The following MYH15 variants were observed in gnomAD, a reference collection of about 807,000 sequenced individuals.
MYH15 encodes myosin-15.
Under a neutral mutation model 240.5 loss-of-function variants are expected in MYH15, and 227 were observed. The observed-to-expected ratio is 0.94, with a 90% CI of 0.85 to 1.05. The LOEUF (loss-of-function observed/expected upper bound fraction) is 1.05, where lower values mean the gene tolerates loss of function less well. Among genes scored for constraint, MYH15 ranks in the 50% least tolerant of loss-of-function variants. The pLI is 0.00. For missense variants in MYH15, 2,217 were observed against 2,247.5 expected, an observed-to-expected ratio of 0.99 and a Z score of 0.27; for synonymous variants, 785 against 796.7, an observed-to-expected ratio of 0.99 and a Z score of 0.25.
At position 108,384,891 on chromosome 3, in the gene MYH15, C is replaced by G. The variant is rs967212268; in HGVS notation, c.5536-109G>C. On this transcript the variant is annotated intron_variant, in intron 38 of 40. Transcript: ENST00000693548. The stretch of plus-strand genomic sequence containing the variant: ...ATCAGGGAACTTTATTAAACATCAT[C>G]TCAGAGTTGTGATTTTAACAATGGG... The G allele has an allele frequency of 1.6e-5, 15 of 917,060 alleles. 1 individual carries two copies. Among genetic ancestry groups the G allele is most frequent in the Non-Finnish European group, 2.3e-5 (14 of 604,800 alleles). 56.8% of individuals were successfully genotyped at this position (917,060 alleles called of 1,614,324 possible).
chr3:108,506,199 A>G (rs1251652073), intron 1 of MYH15, among the ~76,000 whole-genome samples: 3 of 152,136 alleles, frequency 2.0e-5, no homozygotes, highest in Non-Finnish European at 4.4e-5. Flanking sequence ...GAGAAAACTC[A>G]TTCAGAAAAA....
At chr3:108,508,887 A>G (rs572273570) in intron 1 of MYH15, among the ~76,000 whole-genome samples, 1 of 152,328 alleles carries the variant, frequency 6.6e-6, no homozygotes, top group East Asian at 1.9e-4. Context: ...CTCGGGTATC[A>G]TAATAATGCA....
In MYH15 at chr3:108,460,372, CAAA is replaced by C. The variant is rs11303627; in HGVS notation, c.1865-8_1865-6del. On this transcript the variant is annotated splice_polypyrimidine_tract_variant and splice_region_variant and intron_variant, in intron 16 of 40. Coordinates refer to ENST00000693548, the MANE Select transcript of MYH15 (RefSeq NM_014981.3). ...TCTTCTCCCCAAATGGTATAGCTAG[CAAA>C]AAAAAAAAAAGAAAAAGATGAAAAC... 5.3e-4 allele frequency: 698 copies of C among 1,326,130 alleles called. No individual in the cohort carries two copies. The highest frequency in any genetic ancestry group is 1.8e-3 in the South Asian group (116 of 64,848). 82.1% of individuals were successfully genotyped at this position (1,326,130 alleles called of 1,614,324 possible).
chr3:108,531,725 C>T (rs191906319), upstream of MYH15, among the ~76,000 whole-genome samples: 262 of 151,786 alleles, frequency 1.7e-3, 2 homozygotes, highest in African/African-American at 5.5e-3. Flanking sequence ...TGCAGTGAGA[C>T]GAGATCGCAC....
At chr3:108,405,804 AAG>A (rs1273099461) in intron 32 of MYH15, among the ~76,000 whole-genome samples, 1 of 152,196 alleles carries the variant, frequency 6.6e-6, no homozygotes, top group African/African-American at 2.4e-5. Flanking sequence ...AAATTTTAAA[AAG>A]TATCAGAGCT....
At position 108,381,329 on chromosome 3, in the gene MYH15, A is replaced by G. The variant is rs1355851042; in HGVS notation, c.*216T>C. ...TTTAATCTGTCATGTGAAGCATTAGAAGGTAGTTTACTTGCATTTGAGGAT... is the reference window on the plus strand; with the variant it reads ...TTTAATCTGTCATGTGAAGCATTAGGAGGTAGTTTACTTGCATTTGAGGAT... On this transcript the variant is annotated 3_prime_UTR_variant, in exon 41 of 41. Coordinates refer to ENST00000693548, the MANE Select transcript of MYH15 (RefSeq NM_014981.3). 1.7e-6 allele frequency: 1 copy of G among 600,958 alleles called. No homozygotes were observed. The highest frequency in any genetic ancestry group is 2.8e-5 in the East Asian group (1 of 35,972). The allele number at this position is 600,958 out of a possible 1,614,324, so 37.2% of individuals were successfully genotyped here.
At chr3:108,433,247 C>A (rs1212657142) in intron 25 of MYH15, among the ~76,000 whole-genome samples, 1 of 152,168 alleles carries the variant, frequency 6.6e-6, no homozygotes, top group Non-Finnish European at 1.5e-5. Context: ...GGGCCTGTAG[C>A]CCCTTTGTTT....
At chr3:108,532,391 G>C, upstream of MYH15, among the ~76,000 whole-genome samples, 1 of 152,144 alleles carries the variant, frequency 6.6e-6, no homozygotes, top group East Asian at 1.9e-4. Flanking sequence ...TGACTCCTTA[G>C]AGCTGGGACA....
intron 21 of MYH15, among the ~76,000 whole-genome samples, chr3:108,450,155 C>A (rs2082960651): frequency 6.6e-6 from 1 of 151,840 alleles, no homozygotes; most frequent in Non-Finnish European, 1.5e-5. Context: ...GAAGGCTCCT[C>A]AAAAAATTAA....
In MYH15 at chr3:108,410,670, T is replaced by C; in HGVS notation, c.4408A>G (p.Ser1470Gly). 7 of 1,614,194 alleles carry C rather than the reference T, an allele frequency of 4.3e-6. No individual in the cohort carries two copies. The highest frequency in any genetic ancestry group is 5.9e-6 in the Non-Finnish European group (7 of 1,180,036). Residue 1470 changes from serine (S) to glycine (G), a missense_variant, in exon 31 of 41, where the codon AGT (serine) becomes GGT (glycine). Ser to Gly is a moderately conservative substitution (Grantham distance 56, BLOSUM62 0). Coordinates refer to ENST00000693548, the MANE Select transcript of MYH15 (RefSeq NM_014981.3). Reference protein sequence around the residue: ...DASQKEVQALSTELLKLKNTY... With the variant: ...DASQKEVQALGTELLKLKNTY... ...TTCTTGAGCTTGAGGAGCTCTGTAC[T>C]GAGAGCCTGAACTTCCTTCTGAGAG... is the stretch of plus-strand genomic sequence containing the variant.
At chr3:108,498,227 C>T (rs2083409277) in intron 5 of MYH15, 82 bp from the exon 6 acceptor site, 2 of 1,185,924 alleles carry the variant, frequency 1.7e-6, no homozygotes, top group Non-Finnish European at 2.5e-6. Flanking sequence ...ATTATATAGG[C>T]TATGGCAAGC....
chr3:108,459,743 A>C (rs568388983), intron 17 of MYH15, among the ~76,000 whole-genome samples: 1 of 152,326 alleles, frequency 6.6e-6, no homozygotes, highest in Non-Finnish European at 1.5e-5. Context: ...TTGAAAAAAG[A>C]AATTGTTTCT....
chr3:108,444,954 C>T (rs2082915574), intron 21 of MYH15, 59 bp from the exon 22 acceptor site: 6 of 1,506,112 alleles, frequency 4.0e-6, no homozygotes, highest in Non-Finnish European at 4.4e-6. Context: ...GAATTAGTTC[C>T]CAAATTAAGA....
At chr3:108,455,600 A>G in intron 20 of MYH15, 136 bp downstream of exon 20, 3 of 1,010,490 alleles carry the variant, frequency 3.0e-6, no homozygotes, top group Non-Finnish European at 4.3e-6. Flanking sequence ...TTTCACCTTC[A>G]GCTAAGATCT....
At chr3:108,407,277 C>T (rs905162555) in intron 32 of MYH15, among the ~76,000 whole-genome samples, 1 of 152,192 alleles carries the variant, frequency 6.6e-6, no homozygotes, top group African/African-American at 2.4e-5. Flanking sequence ...TCTTGTTTTC[C>T]ATCGCCATAC....
intron 31 of MYH15, among the ~76,000 whole-genome samples, chr3:108,410,106 T>C (rs542904498): frequency 6.6e-6 from 1 of 152,308 alleles, no homozygotes; most frequent in East Asian, 1.9e-4. Context: ...ATGACCTATA[T>C]AACCTTCATT....
chr3:108,500,072 G>T, intron 4 of MYH15, 46 bp downstream of exon 4: 2 of 1,585,398 alleles, frequency 1.3e-6, no homozygotes, highest in East Asian at 4.5e-5. Flanking sequence ...TAGAGAAAAA[G>T]TAGATCAGAT....
chr3:108,527,655 A>T (rs931127100), intron 1 of MYH15, among the ~76,000 whole-genome samples: 29 of 152,156 alleles, frequency 1.9e-4, no homozygotes, highest in African/African-American at 6.3e-4. Context: ...GATCAATTTT[A>T]GGTTTGAAAA....
chr3:108,523,351 G>T lies in MYH15; in HGVS notation c.-58+5912C>A, dbSNP rs928713968. On this transcript the variant is annotated intron_variant, in intron 1 of 41. Coordinates refer to the MYH15 transcript ENST00000273353. ...AATAAGGTGATGGTCAGTATTTCTG[G>T]GTATAAATTAGGGTCAGAATTAGAT... Among the ~76,000 whole-genome samples, 7 of 151,408 alleles carry T rather than the reference G, an allele frequency of 4.6e-5. No homozygotes were observed. In the East Asian group the frequency reaches 1.2e-3, roughly 25 times the overall value.
Sources: allele counts gnomAD v4.1 joint callset (sites outside exome capture counted in the v4.1 genomes callset), GRCh38; gene constraint gnomAD v4.1.1; transcripts MANE v1.5; gene names NCBI Gene and HGNC (gene_info 2026-07-23, HGNC 2026-07-21).